ACBD6: variants seen among roughly 807,000 people sequenced by gnomAD.
ACBD6 encodes acyl-CoA-binding domain-containing protein 6.
Under a neutral mutation model 37.2 loss-of-function variants are expected in ACBD6, and 28 were observed. The ratio of observed to expected loss-of-function variants is 0.75; its 90% CI spans 0.56 to 1.03. The LOEUF (loss-of-function observed/expected upper bound fraction) is 1.03, where lower values mean the gene tolerates loss of function less well. Ranked by LOEUF, ACBD6 falls within the 50% of genes least tolerant of loss-of-function variation. The probability of loss-of-function intolerance (pLI) is 0.00; values close to 1 mark genes in which losing one functional copy is unlikely to be tolerated. For synonymous variants in ACBD6, 113 were observed against 126.8 expected, an observed-to-expected ratio of 0.89 and a Z score of 0.73; for missense variants, 340 against 337.4, an observed-to-expected ratio of 1.01 and a Z score of -0.06.
At chr1:180,367,977 A>G (rs1653114216) in intron 6 of ACBD6, among the ~76,000 whole-genome samples, 1 of 152,196 alleles carries the variant, frequency 6.6e-6, no homozygotes, top group South Asian at 2.1e-4. Flanking sequence ...ACTGCTTTCC[A>G]TAATGGTTGA....
At chr1:180,278,952 A>AATT (rs1212405730) in intron 9 of ACBD6, 1 of 152,148 alleles carries the variant, frequency 6.6e-6, no homozygotes, top group East Asian at 1.9e-4. Flanking sequence ...TGTACGGTAA[A>AATT]ATTATGTAAA....
intron 6 of ACBD6, among the ~76,000 whole-genome samples, chr1:180,368,449 C>T (rs1358760635): frequency 1.3e-5 from 2 of 151,994 alleles, no homozygotes; most frequent in Non-Finnish European, 1.5e-5. Context: ...GAAATCTTTG[C>T]CAGTTTCTAT....
intron 6 of ACBD6, among the ~76,000 whole-genome samples, chr1:180,363,114 C>T (rs1652909296): frequency 6.6e-6 from 1 of 152,126 alleles, no homozygotes; most frequent in African/African-American, 2.4e-5. Flanking sequence ...CATAACTTTC[C>T]TCATATTCTT....
downstream of ACBD6, among the ~76,000 whole-genome samples, chr1:180,285,797 G>C (rs534301289): frequency 1.2e-4 from 18 of 152,062 alleles, no homozygotes; most frequent in African/African-American, 4.1e-4. Flanking sequence ...CCTTTTAGCT[G>C]GAAAATGCTG....
chr1:180,441,723 T>C (rs1649287036), intron 3 of ACBD6, among the ~76,000 whole-genome samples: 1 of 152,124 alleles, frequency 6.6e-6, no homozygotes, highest in Non-Finnish European at 1.5e-5. Context: ...ATGCTGATCT[T>C]ATGATCTTAT....
intron 10 of ACBD6, chr1:180,274,308 A>G: frequency 6.2e-7 from 1 of 1,614,230 alleles, no homozygotes; most frequent in African/African-American, 1.3e-5. Context: ...TCCTATCAGG[A>G]CTTGAGGGAT....
chr1:180,430,834 C>A (rs1349341515), intron 3 of ACBD6, among the ~76,000 whole-genome samples: 2 of 152,102 alleles, frequency 1.3e-5, no homozygotes, highest in African/African-American at 2.4e-5. Flanking sequence ...ACACGTCTTG[C>A]CCCTCTATGT....
intron 7 of ACBD6, among the ~76,000 whole-genome samples, chr1:180,307,797 A>G (rs1304400661): frequency 6.6e-6 from 1 of 152,198 alleles, no homozygotes; most frequent in African/African-American, 2.4e-5. Context: ...TCTACTAAAA[A>G]TACAAAAACT....
rs1653164420 is a variant in ACBD6, at chr1:180,369,208, G to A, written c.663+28308C>T. On this transcript the variant is annotated intron_variant, in intron 6 of 7. Transcript: ENST00000367595. ...GTATAAACGGAGCAGCCTACGCAGGGCTCCAACCCATATCACAAAGGTCCT... is the reference window on the plus strand; with the variant it reads ...GTATAAACGGAGCAGCCTACGCAGGACTCCAACCCATATCACAAAGGTCCT... 2.6e-5 allele frequency among the ~76,000 whole-genome samples: 4 copies of A among 152,206 alleles called. No homozygotes were observed. The South Asian group carries it at 8.3e-4, about 31-fold the overall frequency.
At position 180,290,741 on chromosome 1, in the gene ACBD6, G is replaced by A. The variant is rs1332786215; in HGVS notation, c.695-2224C>T. ...ATTTCTGAGAAGGAAAGGCATTGCA[G>A]AATGCGAAAATACCACTAGGAGAGG... is the stretch of plus-strand genomic sequence containing the variant. On this transcript the variant is annotated intron_variant, in intron 7 of 7. Transcript: ENST00000367595. 2.6e-5 allele frequency among the ~76,000 whole-genome samples: 4 copies of A among 152,234 alleles called. No homozygotes were observed. In the South Asian group the frequency reaches 8.3e-4, roughly 31 times the overall value.
At chr1:180,378,280 CTAAT>C (rs1653513842) in intron 6 of ACBD6, among the ~76,000 whole-genome samples, 1 of 152,050 alleles carries the variant, frequency 6.6e-6, no homozygotes, top group African/African-American at 2.4e-5. Context: ...ATTCTACAAA[CTAAT>C]TAGTTATCTT....
chr1:180,338,171 A>G (rs1250606527), intron 6 of ACBD6, among the ~76,000 whole-genome samples: 4 of 152,206 alleles, frequency 2.6e-5, no homozygotes, highest in Non-Finnish European at 5.9e-5. Flanking sequence ...ACAGAATTGG[A>G]AAAAACTACT....
chr1:180,272,208 G>A (rs1055981051), intron 13 of ACBD6, among the ~76,000 whole-genome samples: 2 of 152,104 alleles, frequency 1.3e-5, no homozygotes, highest in African/African-American at 4.8e-5. Flanking sequence ...CAAGATTGCT[G>A]AGGTCTGGAA....
At position 180,319,899 on chromosome 1, in the gene ACBD6, C is replaced by T. The variant is rs1038995417; in HGVS notation, c.664-5177G>A. On this transcript the variant is annotated intron_variant, in intron 6 of 7. Coordinates refer to ENST00000367595, the MANE Select transcript of ACBD6 (RefSeq NM_032360.4). ...AAGTACCATATTTTCTTTATCCATT[C>T]GTTTGCTGATGGACACTTAGGTTGC... is the stretch of plus-strand genomic sequence containing the variant. Among the ~76,000 whole-genome samples, 5 of 152,138 alleles carry T rather than the reference C, an allele frequency of 3.3e-5. No individual in the cohort carries two copies. The East Asian group carries it at 9.6e-4, about 29-fold the overall frequency.
chr1:180,415,636 G>C (rs1377405033), intron 4 of ACBD6, among the ~76,000 whole-genome samples: 1 of 152,164 alleles, frequency 6.6e-6, no homozygotes, highest in Non-Finnish European at 1.5e-5. Flanking sequence ...GGAAGTTGGT[G>C]GTAGGGCACA....
chr1:180,477,516 T>C (rs1369244424), intron 3 of ACBD6, among the ~76,000 whole-genome samples: 2 of 152,178 alleles, frequency 1.3e-5, no homozygotes, highest in African/African-American at 2.4e-5. Context: ...GCCCAAAATA[T>C]AATCAATCTC....
At chr1:180,465,994 G>A (rs1372012207) in intron 3 of ACBD6, among the ~76,000 whole-genome samples, 9 of 151,938 alleles carry the variant, frequency 5.9e-5, no homozygotes, top group Non-Finnish European at 1.3e-4. Context: ...ACAGACACTG[G>A]AGTCTACTTG....
At chr1:180,335,947 A>G (rs937058251) in intron 6 of ACBD6, among the ~76,000 whole-genome samples, 3 of 151,294 alleles carry the variant, frequency 2.0e-5, no homozygotes, top group African/African-American at 7.3e-5. Context: ...GGATCAATTC[A>G]ACAAGAAGAG....
At chr1:180,373,507 T>G (rs1448697656) in intron 6 of ACBD6, among the ~76,000 whole-genome samples, 2 of 152,212 alleles carry the variant, frequency 1.3e-5, no homozygotes, top group Admixed American at 1.3e-4. Flanking sequence ...AAATAGAATG[T>G]CACTGCAAGA....
Sources: gnomAD v4.1 joint callset for allele counts (sites outside exome capture counted in the v4.1 genomes callset) on GRCh38, gnomAD v4.1.1 for gene constraint, MANE v1.5 for transcripts, NCBI Gene and HGNC (gene_info 2026-07-23, HGNC 2026-07-21) for gene names.